Variants in ADAM2 observed in about 807,000 individuals in gnomAD.
ADAM2 encodes disintegrin and metalloproteinase domain-containing protein 2.
In ADAM2, 101 loss-of-function variants were observed where a neutral mutation model predicts 99.3. That is an observed-to-expected ratio of 1.02 (90% CI 0.87 to 1.20). The LOEUF (loss-of-function observed/expected upper bound fraction) is 1.20. ADAM2 is among the 50% of genes most tolerant of loss of function. The pLI, the probability that ADAM2 is intolerant of heterozygous loss-of-function variation, is 0.00. For synonymous variants in ADAM2, 323 were observed against 287.6 expected (o/e 1.12, Z -1.25); for missense variants, 948 against 878.7 (o/e 1.08, Z -1.00).
chr8:39,763,088 C>T lies in ADAM2; in HGVS notation c.1508-1807G>A, dbSNP rs192299503. Among the ~76,000 whole-genome samples the T allele has an allele frequency of 2.0e-4, 30 of 152,164 alleles. No homozygotes were observed. The East Asian group carries it at 3.5e-3, about 18-fold the overall frequency. ...CATCTCCGTTGGAGCTCTGTGAAAG[C>T]GCTATGCCCAGAGGCAGCCAATAAT... is the stretch of plus-strand genomic sequence containing the variant. On this transcript the variant is annotated intron_variant, in intron 14 of 20. Transcript: ENST00000265708.
intron 10 of ADAM2, among the ~76,000 whole-genome samples, chr8:39,777,781 A>G (rs1056817683): frequency 1.3e-5 from 2 of 151,838 alleles, no homozygotes; most frequent in Non-Finnish European, 2.9e-5. Context: ...GTACCAAAAC[A>G]TCACATCTCC....
chr8:39,769,587 T>A lies in ADAM2; in HGVS notation c.1029-12A>T, dbSNP rs1422681767. On this transcript the variant is annotated splice_polypyrimidine_tract_variant and intron_variant, in intron 11 of 20. Coordinates refer to ENST00000265708, the MANE Select transcript of ADAM2 (RefSeq NM_001464.5). Reference sequence around the variant, plus strand: ...CACCACTGAAATGACTAAAGACACATCAAACGTCAAATTTTAATGTAAGGG... The same window carrying A: ...CACCACTGAAATGACTAAAGACACAACAAACGTCAAATTTTAATGTAAGGG... 6.3e-7 allele frequency: 1 copy of A among 1,595,588 alleles called. No homozygotes were observed. Among genetic ancestry groups the A allele is most frequent in the African/African-American group, 1.3e-5 (1 of 74,362 alleles).
chr8:39,769,952 T>C, intron 11 of ADAM2, among the ~76,000 whole-genome samples: 1 of 147,230 alleles, frequency 6.8e-6, no homozygotes, highest in African/African-American at 2.5e-5. Context: ...TCTTTTTTCT[T>C]TTTTTTTTTT....
At chr8:39,754,941 CAT>C (rs1395241981) in intron 16 of ADAM2, among the ~76,000 whole-genome samples, 1 of 152,068 alleles carries the variant, frequency 6.6e-6, no homozygotes, top group Non-Finnish European at 1.5e-5. Context: ...TCTACAACTC[CAT>C]GTGTGTGTGC....
intron 3 of ADAM2, among the ~76,000 whole-genome samples, chr8:39,829,496 CAGT>C (rs1283747552): frequency 1.3e-5 from 2 of 151,866 alleles, no homozygotes; most frequent in African/African-American, 4.8e-5. Context: ...TATCAAATCA[CAGT>C]AGGACATAAG....
At chr8:39,816,610 G>A (rs568526879) in intron 6 of ADAM2, among the ~76,000 whole-genome samples, 1 of 152,166 alleles carries the variant, frequency 6.6e-6, no homozygotes, top group Non-Finnish European at 1.5e-5. Flanking sequence ...CCAGGCACAT[G>A]TTATTCAGCC....
intron 20 of ADAM2, among the ~76,000 whole-genome samples, chr8:39,744,394 T>C (rs1381088558): frequency 6.6e-6 from 1 of 152,068 alleles, no homozygotes; most frequent in East Asian, 1.9e-4. Context: ...CTACTTAATA[T>C]ATATTTATTT....
At chr8:39,765,613 C>G (rs1802540225) in intron 14 of ADAM2, among the ~76,000 whole-genome samples, 1 of 152,186 alleles carries the variant, frequency 6.6e-6, no homozygotes, top group Non-Finnish European at 1.5e-5. Flanking sequence ...TTTGCTCCCT[C>G]TTCTTTCTTT....
chr8:39,794,437 GGGA>G (rs1803849773), intron 7 of ADAM2, among the ~76,000 whole-genome samples: 1 of 152,042 alleles, frequency 6.6e-6, no homozygotes, highest in South Asian at 2.1e-4. Context: ...TTTAAAATAA[GGGA>G]GGAGACCACC....
At chr8:39,766,805 C>T in intron 14 of ADAM2, 43 bp downstream of exon 14, 2 of 1,374,750 alleles carry the variant, frequency 1.5e-6, no homozygotes, top group Non-Finnish European at 2.0e-6. Context: ...GTTCAGTTTC[C>T]AGAAAAAAAC....
At chr8:39,751,555 T>C (rs533459005) in intron 16 of ADAM2, among the ~76,000 whole-genome samples, 1 of 152,288 alleles carries the variant, frequency 6.6e-6, no homozygotes, top group African/African-American at 2.4e-5. Flanking sequence ...TTAACTTCAG[T>C]TGTATCATGC....
intron 6 of ADAM2, among the ~76,000 whole-genome samples, chr8:39,818,829 A>T (rs1246347662): frequency 6.6e-6 from 1 of 151,994 alleles, no homozygotes; most frequent in East Asian, 1.9e-4. Flanking sequence ...CACTTCTATA[A>T]ATAACAAAAG....
chr8:39,779,677 C>T (rs1465430010), intron 10 of ADAM2, among the ~76,000 whole-genome samples: 2 of 152,022 alleles, frequency 1.3e-5, no homozygotes, highest in African/African-American at 4.8e-5. Flanking sequence ...GGTGAATATA[C>T]CTGTTTAGAA....
intron 11 of ADAM2, among the ~76,000 whole-genome samples, chr8:39,771,927 C>T (rs1802795592): frequency 6.6e-6 from 1 of 151,822 alleles, no homozygotes; most frequent in African/African-American, 2.4e-5. Context: ...TTAACATTGT[C>T]ATTAGAAAGT....
rs539264311 is a variant in ADAM2, at chr8:39,803,987, G to A, written c.570+5423C>T. ...AGCTGAGTGTGAATGTGCACGTTTG[G>A]AATTCTAGTGTTAGACTGGAGCACC... On this transcript the variant is annotated intron_variant, in intron 7 of 20. Transcript: ENST00000265708. Among the ~76,000 whole-genome samples, 269 of 152,308 alleles carry A rather than the reference G, an allele frequency of 1.8e-3. 1 individual carries two copies. Among genetic ancestry groups the A allele is most frequent in the African/African-American group, 6.2e-3 (259 of 41,562 alleles).
rs1186411308 is a variant in ADAM2, at chr8:39,806,103, A to G, written c.570+3307T>C. Among the ~76,000 whole-genome samples the G allele has an allele frequency of 2.0e-5, 3 of 152,182 alleles. No individual in the cohort carries two copies. The East Asian group carries it at 5.8e-4, about 29-fold the overall frequency. On this transcript the variant is annotated intron_variant, in intron 7 of 20. Transcript: ENST00000265708. ...ACTTGCCTGAGTGAAAACTGCCTGG[A>G]TATTGAATACTTTTTCCAACACAAA...
At chr8:39,790,117 AAG>A (rs1186587710) in intron 7 of ADAM2, among the ~76,000 whole-genome samples, 6 of 151,920 alleles carry the variant, frequency 3.9e-5, no homozygotes, top group African/African-American at 1.2e-4. Context: ...ACCATTTCTG[AAG>A]ACAGTTTGTC....
At chr8:39,820,929 T>C (rs923213042) in intron 6 of ADAM2, 73 bp downstream of exon 6, 2 of 974,208 alleles carry the variant, frequency 2.1e-6, no homozygotes, top group Non-Finnish European at 3.0e-6. Flanking sequence ...ATATGTAATT[T>C]ATCAACTATA....
At chr8:39,828,203 T>C (rs1348650455) in intron 3 of ADAM2, among the ~76,000 whole-genome samples, 2 of 151,824 alleles carry the variant, frequency 1.3e-5, no homozygotes, top group Non-Finnish European at 2.9e-5. Context: ...TAAATTAAAA[T>C]GAATACTGAC....
Sources: gnomAD v4.1 joint callset for allele counts (sites outside exome capture counted in the v4.1 genomes callset) on GRCh38, gnomAD v4.1.1 for gene constraint, MANE v1.5 for transcripts, NCBI Gene and HGNC (gene_info 2026-07-23, HGNC 2026-07-21) for gene names.